The following PPP2R5C variants were observed in gnomAD, a reference collection of about 807,000 sequenced individuals.
PPP2R5C encodes the protein protein phosphatase 2 regulatory subunit B'gamma, also known as serine/threonine-protein phosphatase 2A 56 kDa regulatory subunit gamma isoform.
In PPP2R5C, 7 loss-of-function variants were observed where a neutral mutation model predicts 68.9. That is an observed-to-expected ratio of 0.10 (90% CI 0.06 to 0.19). The LOEUF is 0.19. Ranked by LOEUF, PPP2R5C falls within the 10% of genes least tolerant of loss-of-function variation. The pLI is 1.00. For synonymous variants in PPP2R5C, 210 were observed against 222.2 expected, an observed-to-expected ratio of 0.95 and a Z score of 0.49; for missense variants, 348 against 641.3, an observed-to-expected ratio of 0.54 and a Z score of 4.94.
exon 5 of PPP2R5C, chr14:101,883,515 A>G: frequency 4.3e-6 from 7 of 1,613,688 alleles, no homozygotes; most frequent in Non-Finnish European, 5.9e-6. Context: ...GGAAATTCCT[A>G]GGCTTGAGAG....
chr14:101,863,256 C>T (rs932918065), intron 2 of PPP2R5C, among the ~76,000 whole-genome samples: 3 of 151,512 alleles, frequency 2.0e-5, no homozygotes, highest in South Asian at 2.1e-4. Flanking sequence ...TGTAGCGAGC[C>T]GAGATTGAGC....
chr14:101,862,243 A>G (rs909306124), intron 2 of PPP2R5C, among the ~76,000 whole-genome samples: 3 of 152,182 alleles, frequency 2.0e-5, no homozygotes, highest in African/African-American at 7.2e-5. Flanking sequence ...GAAAATTTGT[A>G]TGCACCAGGG....
At chr14:101,815,630 T>TTAAAA (rs1213468797) in intron 1 of PPP2R5C, among the ~76,000 whole-genome samples, 4 of 152,136 alleles carry the variant, frequency 2.6e-5, no homozygotes, top group Non-Finnish European at 5.9e-5. Context: ...GGATTAAAAA[T>TTAAAA]TAAAAGTTAT....
intron 2 of PPP2R5C, among the ~76,000 whole-genome samples, chr14:101,867,963 A>G (rs1460877493): frequency 6.6e-6 from 1 of 152,162 alleles, no homozygotes; most frequent in African/African-American, 2.4e-5. Flanking sequence ...GAGTGTTCTT[A>G]GGATCTGTTG....
chr14:101,793,472 TCTC>T (rs1392686489), intron 3 of PPP2R5C, among the ~76,000 whole-genome samples: 1 of 152,200 alleles, frequency 6.6e-6, no homozygotes, highest in African/African-American at 2.4e-5. Flanking sequence ...GCAAGGGCGA[TCTC>T]CACTTACTCG....
At chr14:101,787,974 A>G (rs1304043013) in intron 3 of PPP2R5C, among the ~76,000 whole-genome samples, 1 of 152,166 alleles carries the variant, frequency 6.6e-6, no homozygotes, top group Non-Finnish European at 1.5e-5. Flanking sequence ...AAGCTATTCT[A>G]GGTACTAGGG....
chr14:101,868,199 T>C (rs1463505603), intron 2 of PPP2R5C, among the ~76,000 whole-genome samples: 1 of 152,262 alleles, frequency 6.6e-6, no homozygotes, highest in Admixed American at 6.5e-5. Context: ...CAGTCAAATT[T>C]ATTTCAAGTG....
At chr14:101,776,882 T>A (rs926522321) in intron 2 of PPP2R5C, among the ~76,000 whole-genome samples, 1 of 129,610 alleles carries the variant, frequency 7.7e-6, no homozygotes, top group Non-Finnish European at 1.6e-5. Flanking sequence ...CCTCATTCCC[T>A]TTTTTTTTTT....
chr14:101,915,254 G>A lies in PPP2R5C; in HGVS notation c.1327-2577G>A, dbSNP rs2046605137. Among the ~76,000 whole-genome samples, 1 of 152,084 alleles carries A rather than the reference G, an allele frequency of 6.6e-6. No individual in the cohort carries two copies. The highest frequency in any genetic ancestry group is 1.5e-5 in the Non-Finnish European group (1 of 68,014). ...ACGCCACCATGCCTGGCTAATTTTT[G>A]TATTTTTAGTAGAGACGGGGTTTCA... On this transcript the variant is annotated intron_variant, in intron 12 of 13. Transcript: ENST00000334743. This position sits in a 1 kb window ranked among gnomAD's most constrained non-coding sequence, Gnocchi z 4.2.
chr14:101,836,276 C>T (rs1333930495), intron 1 of PPP2R5C: 2 of 702,624 alleles, frequency 2.8e-6, no homozygotes, highest in South Asian at 1.5e-5. Context: ...CCATGGAGAA[C>T]CCCGCGGCCC....
chr14:101,812,807 A>G (rs1566859509), intron 1 of PPP2R5C, among the ~76,000 whole-genome samples: 1 of 152,220 alleles, frequency 6.6e-6, no homozygotes, highest in Non-Finnish European at 1.5e-5. Context: ...TTTACCATCC[A>G]TCAGGGTGGG....
At chr14:101,902,740 C>T (rs2045768551) in intron 9 of PPP2R5C, among the ~76,000 whole-genome samples, 1 of 152,094 alleles carries the variant, frequency 6.6e-6, no homozygotes, top group African/African-American at 2.4e-5. Flanking sequence ...AGAAAAAGTC[C>T]ACAAGAATGA....
At chr14:101,799,215 A>C (rs2038752251) in intron 3 of PPP2R5C, among the ~76,000 whole-genome samples, 1 of 152,144 alleles carries the variant, frequency 6.6e-6, no homozygotes. Context: ...CTGCATCCCC[A>C]CGCCGCAGCT....
At position 101,781,334 on chromosome 14, in the gene PPP2R5C, A is replaced by G. The variant is rs941059427; in HGVS notation, c.94-4684A>G. On this transcript the variant is annotated intron_variant, in intron 2 of 14. Transcript: ENST00000328724. This position sits in a 1 kb window ranked among gnomAD's most constrained non-coding sequence, Gnocchi z 6.4. ...ACCTTCCCCACCCTCCGAAGCCTCA[A>G]CCCGCCCTGCGCCTCCCGGTGGCAC... 1.8e-4 allele frequency among the ~76,000 whole-genome samples: 27 copies of G among 151,628 alleles called. No homozygotes were observed. The highest frequency in any genetic ancestry group is 8.8e-5 in the Non-Finnish European group (6 of 67,864).
intron 1 of PPP2R5C, among the ~76,000 whole-genome samples, chr14:101,854,717 ACT>A (rs1386164885): frequency 1.3e-5 from 2 of 151,574 alleles, no homozygotes; most frequent in African/African-American, 4.9e-5. Flanking sequence ...CTCCTAAAAA[ACT>A]CTGCAGGACG....
At chr14:101,803,756 A>G (rs901239074) in intron 3 of PPP2R5C, among the ~76,000 whole-genome samples, 7 of 152,092 alleles carry the variant, frequency 4.6e-5, no homozygotes, top group African/African-American at 1.7e-4. Context: ...CTAAGACCTC[A>G]GACTGTGACA....
chr14:101,866,806 C>T (rs2140711825), intron 2 of PPP2R5C, among the ~76,000 whole-genome samples: 1 of 152,232 alleles, frequency 6.6e-6, no homozygotes, highest in South Asian at 2.1e-4. Flanking sequence ...CAGAATGGGC[C>T]AGGCACAGTG....
At chr14:101,817,945 T>G (rs2039822512) in intron 1 of PPP2R5C, 1 of 152,256 alleles carries the variant, frequency 6.6e-6, no homozygotes, top group Admixed American at 6.5e-5. Flanking sequence ...TTAGCCATAA[T>G]CTGTTTTCTT....
At chr14:101,829,174 G>T (rs1424892124) in intron 1 of PPP2R5C, among the ~76,000 whole-genome samples, 1 of 152,086 alleles carries the variant, frequency 6.6e-6, no homozygotes, top group Non-Finnish European at 1.5e-5. Flanking sequence ...TCTCTGTGGG[G>T]TTCTAACCTT....
Sources: allele counts gnomAD v4.1 joint callset (sites outside exome capture counted in the v4.1 genomes callset), GRCh38; gene constraint gnomAD v4.1.1; non-coding constraint Gnocchi (gnomAD v3.1); transcripts MANE v1.5; gene names NCBI Gene and HGNC (gene_info 2026-07-23, HGNC 2026-07-21).